The following VAT1L variants were observed in gnomAD, a reference collection of about 807,000 sequenced individuals.
VAT1L encodes vesicle amine transport 1 like, also known as putative NADPH-dependent quinone oxidoreductase VAT1L.
A neutral mutation model predicts 44.1 loss-of-function variants in VAT1L; 34 were observed. The ratio of observed to expected loss-of-function variants is 0.77; its 90% confidence interval spans 0.59 to 1.03. The LOEUF is 1.03. Among genes scored for constraint, VAT1L ranks in the 50% least tolerant of loss-of-function variants. The pLI is 0.00. For missense variants in VAT1L, 615 were observed against 538.8 expected, an observed-to-expected ratio of 1.14 and a Z score of -1.40; for synonymous variants, 253 against 202.2, an observed-to-expected ratio of 1.25 and a Z score of -2.13.
intron 3 of VAT1L, among the ~76,000 whole-genome samples, chr16:77,847,733 A>G (rs996392550): frequency 1.3e-5 from 2 of 152,230 alleles, no homozygotes; most frequent in African/African-American, 4.8e-5. Flanking sequence ...ACCAAGTGTC[A>G]GTGACAGTAA....
In VAT1L at chr16:77,788,803, G is replaced by T; in HGVS notation, c.121G>T (p.Glu41Ter). The change falls in exon 1 of 9, where the codon GAG becomes TAG. Residue 41 changes from glutamate (E) to a stop codon, truncating the protein, a stop_gained. Coordinates refer to ENST00000302536, the MANE Select transcript of VAT1L (RefSeq NM_020927.3). LOFTEE classifies it high-confidence loss of function. Reference protein sequence around the residue: ...DGSHRLGDAQEMRAVVLAGFG... With the variant: ...DGSHRLGDAQ Reference sequence around the variant, plus strand: ...CTCGCACCGCCTCGGGGACGCCCAGGAGATGCGCGCGGTGGTGCTGGCTGG... The same window carrying T: ...CTCGCACCGCCTCGGGGACGCCCAGTAGATGCGCGCGGTGGTGCTGGCTGG... 6.4e-7 allele frequency: 1 copy of T among 1,573,840 alleles called. No individual in the cohort carries two copies.
intron 7 of VAT1L, among the ~76,000 whole-genome samples, chr16:77,888,367 A>G (rs2017229783): frequency 6.6e-6 from 1 of 152,238 alleles, no homozygotes; most frequent in Non-Finnish European, 1.5e-5. Flanking sequence ...GGCATGGAAT[A>G]GGTGCTCAGT....
intron 3 of VAT1L, among the ~76,000 whole-genome samples, chr16:77,853,151 C>A (rs1409451213): frequency 6.6e-6 from 1 of 152,192 alleles, no homozygotes; most frequent in Non-Finnish European, 1.5e-5. Flanking sequence ...AGAGCTGTGA[C>A]AGGCTAGGAA....
intron 7 of VAT1L, among the ~76,000 whole-genome samples, chr16:77,931,454 G>T (rs532841344): frequency 1.3e-5 from 2 of 152,276 alleles, no homozygotes; most frequent in South Asian, 2.1e-4. Context: ...GAGGAGTAAG[G>T]TCTGTGAGAT....
chr16:77,898,467 G>GT (rs1352539079), intron 7 of VAT1L, among the ~76,000 whole-genome samples: 2 of 152,198 alleles, frequency 1.3e-5, no homozygotes, highest in Non-Finnish European at 2.9e-5. Context: ...TTAAGTTCAA[G>GT]TCTCCCCTCC....
In VAT1L at chr16:77,825,236, C is replaced by G; in HGVS notation, c.364-10C>G. On this transcript the variant is annotated splice_polypyrimidine_tract_variant and intron_variant, in intron 2 of 8. Coordinates refer to ENST00000302536, the MANE Select transcript of VAT1L (RefSeq NM_020927.3). ...TAGCCTCCACTAACTCTGTGTTTCCCCATGCCCAGATTGGAGACCGTGTCA... is the reference window on the plus strand; with the variant it reads ...TAGCCTCCACTAACTCTGTGTTTCCGCATGCCCAGATTGGAGACCGTGTCA... The G allele has an allele frequency of 6.2e-7, 1 of 1,613,842 alleles. No individual in the cohort carries two copies. The highest frequency in any genetic ancestry group is 1.3e-5 in the African/African-American group (1 of 75,040).
intron 2 of VAT1L, among the ~76,000 whole-genome samples, chr16:77,823,642 A>G (rs1482359198): frequency 6.6e-6 from 1 of 152,222 alleles, no homozygotes; most frequent in African/African-American, 2.4e-5. Context: ...CATGTAGATT[A>G]ACTGACAAAA....
Position 77,844,822 on chromosome 16 carries a change from C to A in VAT1L, c.580-17926C>A, listed in dbSNP as rs563275725. On this transcript the variant is annotated intron_variant, in intron 3 of 8. Coordinates refer to ENST00000302536, the MANE Select transcript of VAT1L (RefSeq NM_020927.3). ...GGCTATATATACACACAAACATATA[C>A]ACATATACACACACGATAAATACGT... Among the ~76,000 whole-genome samples the A allele has an allele frequency of 3.3e-5, 5 of 151,410 alleles. No individual in the cohort carries two copies. In the South Asian group the frequency reaches 1.0e-3, roughly 31 times the overall value.
intron 6 of VAT1L, among the ~76,000 whole-genome samples, chr16:77,881,074 C>T (rs2017148849): frequency 6.6e-6 from 1 of 152,106 alleles, no homozygotes; most frequent in Admixed American, 6.6e-5. Flanking sequence ...TGCATGTGTC[C>T]TTTTGATAGA....
intron 7 of VAT1L, among the ~76,000 whole-genome samples, chr16:77,920,608 T>A (rs993546232): frequency 1.3e-5 from 2 of 152,210 alleles, no homozygotes; most frequent in African/African-American, 4.8e-5. Flanking sequence ...CTCTGTATAA[T>A]GACATTTCAG....
intron 7 of VAT1L, among the ~76,000 whole-genome samples, chr16:77,963,847 G>C (rs1304614194): frequency 1.3e-5 from 2 of 152,180 alleles, no homozygotes; most frequent in Admixed American, 6.5e-5. Context: ...GCACAGAAAT[G>C]ATTTGAAGCA....
intron 7 of VAT1L, among the ~76,000 whole-genome samples, chr16:77,944,337 C>A (rs2017932738): frequency 6.6e-6 from 1 of 152,166 alleles, no homozygotes; most frequent in Non-Finnish European, 1.5e-5. Context: ...GAAAGAGTAG[C>A]ATAGCCCCTA....
chr16:77,966,041 C>G (rs114703104), intron 7 of VAT1L, among the ~76,000 whole-genome samples: 1,608 of 152,068 alleles, frequency 0.011, 26 homozygotes, highest in African/African-American at 0.036. Context: ...CAGTCCCCCC[C>G]AAAAAAGCGT....
rs779842952 is a variant in VAT1L, at chr16:77,825,242, C to G, written c.364-4C>G. 1.9e-6 allele frequency: 3 copies of G among 1,613,850 alleles called. No homozygotes were observed. In the African/African-American group the frequency reaches 4.0e-5, roughly 22 times the overall value. ...CCACTAACTCTGTGTTTCCCCATGC[C>G]CAGATTGGAGACCGTGTCATGGCAT... On this transcript the variant is annotated splice_polypyrimidine_tract_variant and splice_region_variant and intron_variant, in intron 2 of 8. Transcript: ENST00000302536.
chr16:77,931,769 G>A (rs1173023472), intron 7 of VAT1L, among the ~76,000 whole-genome samples: 3 of 152,174 alleles, frequency 2.0e-5, no homozygotes, highest in African/African-American at 7.2e-5. Flanking sequence ...AATATATATT[G>A]ATCTTACTAA....
chr16:77,883,614 T>C (rs147832727), intron 6 of VAT1L, among the ~76,000 whole-genome samples: 171 of 152,192 alleles, frequency 1.1e-3, no homozygotes, highest in African/African-American at 3.8e-3. Flanking sequence ...TAGCACCACC[T>C]CCCGCTTCAG....
chr16:77,869,695 G>A (rs2017010645), intron 4 of VAT1L, among the ~76,000 whole-genome samples: 1 of 151,978 alleles, frequency 6.6e-6, no homozygotes, highest in East Asian at 1.9e-4. Context: ...CACCCACTTC[G>A]AGCATTTTCC....
intron 7 of VAT1L, among the ~76,000 whole-genome samples, chr16:77,917,839 G>C (rs1038210790): frequency 1.3e-5 from 2 of 152,150 alleles, no homozygotes; most frequent in Non-Finnish European, 2.9e-5. Context: ...GATTTACAAG[G>C]ATTCTGAATC....
intron 7 of VAT1L, among the ~76,000 whole-genome samples, chr16:77,907,332 T>G (rs17775098): frequency 0.062 from 9,441 of 152,272 alleles, 400 homozygotes; most frequent in East Asian, 0.2. Flanking sequence ...TCACTTTTGC[T>G]GGTCTCCTGT....
Sources: allele counts gnomAD v4.1 joint callset (sites outside exome capture counted in the v4.1 genomes callset), GRCh38; gene constraint gnomAD v4.1.1; transcripts MANE v1.5; gene names NCBI Gene and HGNC (gene_info 2026-07-23, HGNC 2026-07-21).